The following CADPS variants were observed in gnomAD, a reference collection of about 807,000 sequenced individuals.
The protein encoded by CADPS is calcium-dependent secretion activator 1.
CADPS carries 57 observed loss-of-function variants against 167.3 expected under a neutral mutation model. That is an observed-to-expected ratio of 0.34 (90% CI 0.28 to 0.42). CADPS has a LOEUF of 0.42. Ranked by LOEUF, CADPS falls within the 20% of genes least tolerant of loss-of-function variation. The probability of loss-of-function intolerance (pLI) is 1.00; values close to 1 mark genes in which losing one functional copy is unlikely to be tolerated. For synonymous variants in CADPS, 676 were observed against 635.3 expected (o/e 1.06, Z -0.96); for missense variants, 1,414 against 1,738.1 (o/e 0.81, Z 3.32).
intron 1 of CADPS, among the ~76,000 whole-genome samples, chr3:62,855,225 A>T (rs2079450178): frequency 6.6e-6 from 1 of 151,640 alleles, no homozygotes; most frequent in Non-Finnish European, 1.5e-5. Context: ...GATTACAGGC[A>T]TGAGGCACTG....
In CADPS at chr3:62,614,527, C is replaced by T. The variant is rs1409379028; in HGVS notation, c.1326-21779G>A. 2.6e-5 allele frequency among the ~76,000 whole-genome samples: 4 copies of T among 152,230 alleles called. No individual in the cohort carries two copies. The East Asian group carries it at 7.7e-4, about 29-fold the overall frequency. The stretch of plus-strand genomic sequence containing the variant: ...GGAAGCTTACACACTAAAAGCGTAG[C>T]TCCTTTATCTTGTCCCTTGCCTCAG... On this transcript the variant is annotated intron_variant, in intron 6 of 29. Coordinates refer to ENST00000383710, the MANE Select transcript of CADPS (RefSeq NM_003716.4).
At chr3:62,571,127 G>A (rs913006236) in intron 8 of CADPS, among the ~76,000 whole-genome samples, 189 bp from the exon 9 acceptor site, 6 of 152,158 alleles carry the variant, frequency 3.9e-5, no homozygotes, top group Non-Finnish European at 7.4e-5. Context: ...CTTACAGGAG[G>A]AATTGAGGCC....
intron 8 of CADPS, among the ~76,000 whole-genome samples, chr3:62,572,845 A>C (rs1207055487): frequency 6.6e-6 from 1 of 152,196 alleles, no homozygotes; most frequent in Non-Finnish European, 1.5e-5. Flanking sequence ...AAAGTGGTGT[A>C]GTATTTGCAT....
At position 62,400,663 on chromosome 3, in the gene CADPS, G is replaced by A. The variant is rs1280299685; in HGVS notation, c.3883-1078C>T. ...CACCCAGGCTGGAGTGCAGCAGATC[G>A]ATCTCGGCTCACTGCAACCTCCACC... On this transcript the variant is annotated intron_variant, in intron 29 of 29. Transcript: ENST00000383710. 3.4e-5 allele frequency among the ~76,000 whole-genome samples: 5 copies of A among 145,236 alleles called. No individual in the cohort carries two copies. In the East Asian group the frequency reaches 6.1e-4, roughly 18 times the overall value.
chr3:62,826,823 C>G (rs1350601251), intron 1 of CADPS, among the ~76,000 whole-genome samples: 1 of 152,146 alleles, frequency 6.6e-6, no homozygotes, highest in Non-Finnish European at 1.5e-5. Context: ...CATGGTCACT[C>G]TGCTATTTAG....
intron 13 of CADPS, among the ~76,000 whole-genome samples, chr3:62,519,792 A>ATT (rs200056343): frequency 1.0e-4 from 15 of 148,154 alleles, no homozygotes; most frequent in African/African-American, 2.2e-4. Flanking sequence ...ACAAAAACAA[A>ATT]TTTTTTTTTT....
At chr3:62,856,811 A>G (rs2079779669) in intron 1 of CADPS, among the ~76,000 whole-genome samples, 4 of 151,936 alleles carry the variant, frequency 2.6e-5, no homozygotes, top group African/African-American at 9.7e-5. Context: ...AAGGTCATTC[A>G]TACGTCATTC....
intron 28 of CADPS, among the ~76,000 whole-genome samples, chr3:62,422,844 T>C (rs536257567): frequency 4.3e-4 from 65 of 152,336 alleles, no homozygotes; most frequent in South Asian, 1.9e-3. Context: ...CAGTACCTCA[T>C]TGGAAAATCT....
At chr3:62,703,437 A>G (rs186003312) in intron 3 of CADPS, among the ~76,000 whole-genome samples, 35 of 152,156 alleles carry the variant, frequency 2.3e-4, no homozygotes, top group African/African-American at 8.0e-4. Context: ...TAGAGCTCAC[A>G]GCCAGGGACT....
intron 13 of CADPS, among the ~76,000 whole-genome samples, chr3:62,518,924 A>G (rs1418389369): frequency 6.6e-6 from 1 of 152,158 alleles, no homozygotes; most frequent in African/African-American, 2.4e-5. Flanking sequence ...ATGTTTTCCA[A>G]TTTTAGCAAA....
At chr3:62,506,773 C>T (rs1050070976) in intron 17 of CADPS, among the ~76,000 whole-genome samples, 33 of 152,170 alleles carry the variant, frequency 2.2e-4, no homozygotes, top group African/African-American at 8.0e-4. Context: ...CTGGGGTTAG[C>T]ATGTGACCCA....
At chr3:62,608,819 T>C (rs1463154436) in intron 6 of CADPS, among the ~76,000 whole-genome samples, 1 of 152,138 alleles carries the variant, frequency 6.6e-6, no homozygotes, top group African/African-American at 2.4e-5. Flanking sequence ...AAATAATAAA[T>C]TTGAAGGCTT....
At chr3:62,870,489 A>G (rs79609921) in intron 1 of CADPS, among the ~76,000 whole-genome samples, 1,708 of 152,254 alleles carry the variant, frequency 0.011, 14 homozygotes, top group African/African-American at 0.018. Context: ...ATGAATAAGG[A>G]AAGAATTTCT....
At chr3:62,469,918 G>A (rs1206098408) in intron 24 of CADPS, among the ~76,000 whole-genome samples, 1 of 152,084 alleles carries the variant, frequency 6.6e-6, no homozygotes, top group Non-Finnish European at 1.5e-5. Flanking sequence ...TGCTTCTGAT[G>A]GGCTGAGGTG....
Position 62,421,160 on chromosome 3 carries a change from C to T in CADPS, c.3777+16944G>A, listed in dbSNP as rs181199475. ...ACAGAGAGTTAAATCATAAATTAGC[C>T]ATGAGTTAATACGTGAGGCCCGGAT... On this transcript the variant is annotated intron_variant, in intron 28 of 29. Transcript: ENST00000383710. The surrounding 1 kb of genome is among the most constrained non-coding windows in gnomAD (Gnocchi z 4.7). 6.6e-6 allele frequency among the ~76,000 whole-genome samples: 1 copy of T among 152,220 alleles called. No homozygotes were observed. The highest frequency in any genetic ancestry group is 2.4e-5 in the African/African-American group (1 of 41,538).
intron 6 of CADPS, among the ~76,000 whole-genome samples, chr3:62,636,935 C>T (rs1397483866): frequency 2.0e-5 from 3 of 152,106 alleles, no homozygotes; most frequent in Non-Finnish European, 4.4e-5. Context: ...GCACCCTTGG[C>T]CAATTGATTT....
At chr3:62,815,871 T>C (rs1009605150) in intron 1 of CADPS, among the ~76,000 whole-genome samples, 2 of 152,198 alleles carry the variant, frequency 1.3e-5, no homozygotes, top group African/African-American at 4.8e-5. Flanking sequence ...GAAGGAAAGA[T>C]GAGTAATAAC....
chr3:62,720,504 T>C (rs187258440), intron 3 of CADPS, among the ~76,000 whole-genome samples: 1 of 152,226 alleles, frequency 6.6e-6, no homozygotes, highest in Admixed American at 6.5e-5. Flanking sequence ...AGCTAATTTT[T>C]AGAAAATTAT....
At position 62,727,784 on chromosome 3, in the gene CADPS, T is replaced by C. The variant is rs180806240; in HGVS notation, c.888+25657A>G. Among the ~76,000 whole-genome samples the C allele has an allele frequency of 1.1e-3, 167 of 151,946 alleles. 5 individuals carry two copies. The highest frequency in any genetic ancestry group is 3.7e-3 in the African/African-American group (152 of 41,264). ...AGTTTGTGATTCATCTGATGGGAAT[T>C]GGATAAAGGAAATGGAAATTCTGAT... On this transcript the variant is annotated intron_variant, in intron 3 of 29. Transcript: ENST00000383710.
Sources: gnomAD v4.1 joint callset for allele counts (sites outside exome capture counted in the v4.1 genomes callset) on GRCh38, gnomAD v4.1.1 for gene constraint, Gnocchi (gnomAD v3.1) non-coding constraint, MANE v1.5 for transcripts, NCBI Gene and HGNC (gene_info 2026-07-23, HGNC 2026-07-21) for gene names.